Variants in TNR observed in about 807,000 individuals in gnomAD.
TNR encodes the protein tenascin-R.
A neutral mutation model predicts 150.4 loss-of-function variants in TNR; 45 were observed. That is an observed-to-expected ratio of 0.30 (90% CI 0.24 to 0.38). The LOEUF is 0.38. TNR is among the 10% of genes least tolerant of loss of function. The probability of loss-of-function intolerance (pLI) is 1.00; values close to 1 mark genes in which losing one functional copy is unlikely to be tolerated. For missense variants in TNR, 1,544 were observed against 1,759.1 expected, an observed-to-expected ratio of 0.88 and a Z score of 2.19; for synonymous variants, 687 against 678.4, an observed-to-expected ratio of 1.01 and a Z score of -0.20.
chr1:175,331,077 CCTTCTTTCT>C (rs1649823378), intron 20 of TNR, among the ~76,000 whole-genome samples: 1 of 94,188 alleles, frequency 1.1e-5, no homozygotes, highest in Non-Finnish European at 2.3e-5. Context: ...TTCTTTCTTT[CCTTCTTTCT>C]TTCTTTCTTT....
intron 1 of TNR, among the ~76,000 whole-genome samples, chr1:175,595,135 C>G (rs1295495781): frequency 6.6e-6 from 1 of 152,114 alleles, no homozygotes; most frequent in African/African-American, 2.4e-5. Flanking sequence ...CCACTGCACT[C>G]CAGCCTGGGT....
intron 2 of TNR, among the ~76,000 whole-genome samples, chr1:175,455,222 C>T (rs1241916094): frequency 4.6e-5 from 7 of 152,238 alleles, no homozygotes; most frequent in African/African-American, 2.4e-5. Flanking sequence ...CAGAGACCAG[C>T]TAGTTACATC....
intron 1 of TNR, among the ~76,000 whole-genome samples, chr1:175,570,774 G>A (rs1044169374): frequency 1.3e-5 from 2 of 151,748 alleles, no homozygotes; most frequent in Non-Finnish European, 2.9e-5. Flanking sequence ...AAATTAAATT[G>A]CATTCCAGAC....
chr1:175,400,654 C>G (rs549384190), intron 4 of TNR, among the ~76,000 whole-genome samples: 92 of 152,274 alleles, frequency 6.0e-4, no homozygotes, highest in Admixed American at 9.8e-4. Flanking sequence ...TTTCTACGCC[C>G]TTGCCAAAGA....
intron 18 of TNR, among the ~76,000 whole-genome samples, chr1:175,344,458 C>A (rs1455481582): frequency 1.3e-5 from 2 of 152,184 alleles, no homozygotes; most frequent in Non-Finnish European, 2.9e-5. Flanking sequence ...GTCTTAGATT[C>A]CCTGCCTCCA....
chr1:175,650,957 T>TA (rs1280849106), intron 1 of TNR, among the ~76,000 whole-genome samples: 17 of 7,198 alleles, frequency 2.4e-3, no homozygotes, highest in Non-Finnish European at 3.0e-3. Flanking sequence ...ATCTCATTAC[T>TA]CCCCCCCACC....
At chr1:175,594,768 T>C (rs1031553148) in intron 1 of TNR, among the ~76,000 whole-genome samples, 1 of 149,272 alleles carries the variant, frequency 6.7e-6, no homozygotes, top group Non-Finnish European at 1.5e-5. Flanking sequence ...GGTGGGAGGA[T>C]CACTTGAGCC....
intron 5 of TNR, among the ~76,000 whole-genome samples, chr1:175,394,290 C>T (rs1047268753): frequency 6.6e-6 from 1 of 152,072 alleles, no homozygotes; most frequent in African/African-American, 2.4e-5. Flanking sequence ...TACAGGACTC[C>T]CGGGAGGTAC....
rs187541675 is a variant in TNR, at chr1:175,690,304, T to A, written c.-165+52922A>T. ...TCTCTGCTTCAGTGTCTGGACATCA[T>A]AAGAGAATCAACAAATGTTTACACA... On this transcript the variant is annotated intron_variant, in intron 1 of 22. Coordinates refer to ENST00000367674, the MANE Select transcript of TNR (RefSeq NM_003285.3). 3.1e-4 allele frequency among the ~76,000 whole-genome samples: 47 copies of A among 152,328 alleles called. 2 individuals carry two copies. The East Asian group carries it at 7.9e-3, about 26-fold the overall frequency.
Position 175,655,138 on chromosome 1 carries a change from A to T in TNR, c.-165+88088T>A, listed in dbSNP as rs144754620. 3.1e-3 allele frequency among the ~76,000 whole-genome samples: 467 copies of T among 152,260 alleles called. 10 individuals carry two copies. Among genetic ancestry groups the T allele is most frequent in the African/African-American group, 0.011 (455 of 41,554 alleles). ...GTGCACTGGAATTGTGTTGCTACTG[A>T]GGCCTTGCAGGGTGGGGATGGTGGC... is the stretch of plus-strand genomic sequence containing the variant. On this transcript the variant is annotated intron_variant, in intron 1 of 22. Transcript: ENST00000367674.
rs547063694 is a variant in TNR, at chr1:175,322,632, A to C, written c.*725T>G. 6 of 152,354 alleles carry C rather than the reference A, an allele frequency of 3.9e-5. No individual in the cohort carries two copies. The highest frequency in any genetic ancestry group is 6.5e-5 in the Admixed American group (1 of 15,296). 9.4% of individuals were successfully genotyped at this position (152,354 alleles called of 1,614,324 possible). ...CATCTCTACAAAAAATAAAAGAAAAATCAGCCAGGTATGGTGGCTCATGCC... is the reference window on the plus strand; with the variant it reads ...CATCTCTACAAAAAATAAAAGAAAACTCAGCCAGGTATGGTGGCTCATGCC... On this transcript the variant is annotated 3_prime_UTR_variant, in exon 23 of 23. Coordinates refer to ENST00000367674, the MANE Select transcript of TNR (RefSeq NM_003285.3).
chr1:175,640,791 G>GTGTATATATATATATATATATA (rs1158722943), intron 1 of TNR, among the ~76,000 whole-genome samples: 24 of 143,698 alleles, frequency 1.7e-4, no homozygotes, highest in African/African-American at 5.7e-4. Context: ...GTGTGTGTGG[G>GTGTATATATATATATATATATA]TATATATATA....
At chr1:175,424,713 G>T (rs1403074394) in intron 2 of TNR, among the ~76,000 whole-genome samples, 2 of 152,104 alleles carry the variant, frequency 1.3e-5, no homozygotes, top group African/African-American at 4.8e-5. Context: ...CAGCAGACAG[G>T]CTACATAGGG....
chr1:175,506,110 G>T (rs1201056597), intron 2 of TNR, among the ~76,000 whole-genome samples: 2 of 152,202 alleles, frequency 1.3e-5, no homozygotes, highest in Non-Finnish European at 2.9e-5. Flanking sequence ...GGTGGGATAG[G>T]GAGGAGAATT....
Position 175,381,630 on chromosome 1 carries a change from G to A in TNR, c.1778-1893C>T, listed in dbSNP as rs978608225. Among the ~76,000 whole-genome samples, 15 of 152,316 alleles carry A rather than the reference G, an allele frequency of 9.8e-5. No homozygotes were observed. The South Asian group carries it at 2.3e-3, about 23-fold the overall frequency. ...GCCACCAAGGGCACCCCTGTAGGTG[G>A]GAGCTGTTCCCTGCAACGTCAGCAA... On this transcript the variant is annotated intron_variant, in intron 8 of 22. Coordinates refer to ENST00000367674, the MANE Select transcript of TNR (RefSeq NM_003285.3).
At position 175,403,319 on chromosome 1, in the gene TNR, C is replaced by T. The variant is rs1286072244; in HGVS notation, c.797G>A (p.Cys266Tyr). The change falls in exon 4 of 23, where the codon TGC becomes TAC. Residue 266 changes from cysteine to tyrosine, a missense_variant. This residue lies in a region of TNR where 1,254 missense variants were observed against 1,329.4 expected (regional missense o/e 0.94). Transcript: ENST00000367674. ...YTGEDCRELR[C>Y]PGDCSGKGRC... ...CCCCTTCCCCGAACAGTCCCCAGGG[C>T]ACCTCAGTTCCCTGCAGTCCTCGCC... 5.6e-6 allele frequency: 9 copies of T among 1,614,098 alleles called. No individual in the cohort carries two copies. Among genetic ancestry groups the T allele is most frequent in the Non-Finnish European group, 7.6e-6 (9 of 1,180,038 alleles).
intron 1 of TNR, among the ~76,000 whole-genome samples, chr1:175,546,936 G>A (rs983003877): frequency 1.6e-4 from 24 of 152,278 alleles, no homozygotes; most frequent in Admixed American, 1.2e-3. Context: ...GGAACTGGAG[G>A]CCAGTAACAA....
At chr1:175,681,459 C>T (rs760371940) in intron 1 of TNR, among the ~76,000 whole-genome samples, 4 of 152,268 alleles carry the variant, frequency 2.6e-5, no homozygotes, top group South Asian at 4.1e-4. Flanking sequence ...AGAGCAGGAG[C>T]GAGGAGTGTG....
chr1:175,681,240 C>T (rs6692146), intron 1 of TNR, among the ~76,000 whole-genome samples: 81,143 of 151,982 alleles, frequency 0.53, 22,211 homozygotes, highest in East Asian at 0.93. Context: ...CTCCCAACAA[C>T]GCATCAGTGC....
Sources: gnomAD v4.1 joint callset for allele counts (sites outside exome capture counted in the v4.1 genomes callset) on GRCh38, gnomAD v4.1.1 for gene constraint, gnomAD v4.1.1 regional missense constraint, MANE v1.5 for transcripts, NCBI Gene and HGNC (gene_info 2026-07-23, HGNC 2026-07-21) for gene names.